Variants in TRIM36 observed in about 807,000 individuals in gnomAD.
TRIM36 encodes E3 ubiquitin-protein ligase TRIM36.
Under a neutral mutation model 72.4 loss-of-function variants are expected in TRIM36, and 42 were observed. The ratio of observed to expected loss-of-function variants is 0.58; its 90% CI spans 0.45 to 0.75. The LOEUF (loss-of-function observed/expected upper bound fraction) is 0.75. Ranked by LOEUF, TRIM36 falls within the 30% of genes least tolerant of loss-of-function variation. The probability of loss-of-function intolerance (pLI) is 0.00; values close to 1 mark genes in which losing one functional copy is unlikely to be tolerated. For synonymous variants in TRIM36, 315 were observed against 282.8 expected, an observed-to-expected ratio of 1.11 and a Z score of -1.14; for missense variants, 913 against 857.1, an observed-to-expected ratio of 1.07 and a Z score of -0.81.
intron 3 of TRIM36, 85 bp from the exon 4 acceptor site, chr5:115,144,829 T>C (rs1019278416): frequency 8.5e-6 from 12 of 1,420,088 alleles, no homozygotes; most frequent in African/African-American, 4.4e-5. Context: ...ATTTGCCTTA[T>C]AAAATCACTA....
intron 6 of TRIM36, 63 bp from the exon 7 acceptor site, chr5:115,137,187 C>A: frequency 6.6e-7 from 1 of 1,505,618 alleles, no homozygotes. Context: ...TAAATATCTG[C>A]AACATGATTA....
rs764959842 is a variant in TRIM36, at chr5:115,130,567, G to C, written c.1796+25C>G. ...AGGCTTACTTTTAAAAAATTATCAAGTTCTAGATCAATACAAAAACCTACC... is the reference window on the plus strand; with the variant it reads ...AGGCTTACTTTTAAAAAATTATCAACTTCTAGATCAATACAAAAACCTACC... On this transcript the variant is annotated intron_variant, in intron 9 of 9. Transcript: ENST00000513154. 3 of 1,599,214 alleles carry C rather than the reference G, an allele frequency of 1.9e-6. No individual in the cohort carries two copies. The South Asian group carries it at 3.4e-5, about 18-fold the overall frequency.
chr5:115,127,764 T>C (rs953531971), intron 9 of TRIM36, among the ~76,000 whole-genome samples: 13 of 152,232 alleles, frequency 8.5e-5, no homozygotes, highest in African/African-American at 2.7e-4. Context: ...GTATTTATTA[T>C]GCAATGCTTT....
intron 2 of TRIM36, among the ~76,000 whole-genome samples, chr5:115,155,703 A>G (rs1754143965): frequency 6.6e-6 from 1 of 152,226 alleles, no homozygotes; most frequent in African/African-American, 2.4e-5. Context: ...CCCACAGCCA[A>G]CATAATAGTG....
At position 115,125,728 on chromosome 5, in the gene TRIM36, T is replaced by A. The variant is rs1158959986; in HGVS notation, c.*775A>T. The A allele has an allele frequency of 6.6e-6, 1 of 152,020 alleles. No individual in the cohort carries two copies. The allele number at this position is 152,020 out of a possible 1,614,324, so 9.4% of individuals were successfully genotyped here. On this transcript the variant is annotated 3_prime_UTR_variant, in exon 10 of 10. Transcript: ENST00000513154. ...AATATTTTCACAGAATAAGAAAAAC[T>A]AAAGATAAATTTCTCTGAAAAAAAG...
At chr5:115,128,898 A>G (rs1175734526) in intron 9 of TRIM36, among the ~76,000 whole-genome samples, 1 of 152,098 alleles carries the variant, frequency 6.6e-6, no homozygotes, top group Non-Finnish European at 1.5e-5. Context: ...AGTGTGCAGC[A>G]ATGTCCTAGG....
intron 2 of TRIM36, among the ~76,000 whole-genome samples, chr5:115,152,776 G>A (rs1225386786): frequency 6.6e-6 from 1 of 152,152 alleles, no homozygotes; most frequent in Non-Finnish European, 1.5e-5. Context: ...CTTCACTTGT[G>A]AAGGAAAGGT....
intron 2 of TRIM36, among the ~76,000 whole-genome samples, chr5:115,161,330 A>T (rs1236603184): frequency 6.6e-6 from 1 of 152,186 alleles, no homozygotes; most frequent in Non-Finnish European, 1.5e-5. Flanking sequence ...TAAGGCATAG[A>T]ACTTCAGTGC....
chr5:115,178,369 CCT>C (rs1251956895), intron 1 of TRIM36, among the ~76,000 whole-genome samples: 1 of 152,210 alleles, frequency 6.6e-6, no homozygotes, highest in Admixed American at 6.5e-5. Context: ...AATAGATGCC[CCT>C]GTTAGGCATT....
In TRIM36 at chr5:115,166,654, A is replaced by C. The variant is rs1754791214; in HGVS notation, c.28-2902T>G. On this transcript the variant is annotated intron_variant, in intron 1 of 9. Coordinates refer to ENST00000513154, the MANE Select transcript of TRIM36 (RefSeq NM_001300759.2). ...ACAAGCTGTAACACAAACTGTGTCA[A>C]ATACACCCTGCTGCTCGCCATGTTG... Among the ~76,000 whole-genome samples, 4 of 152,334 alleles carry C rather than the reference A, an allele frequency of 2.6e-5. No homozygotes were observed. In the South Asian group the frequency reaches 8.3e-4, roughly 32 times the overall value.
At chr5:115,179,184 C>G (rs1030641838) in intron 1 of TRIM36, among the ~76,000 whole-genome samples, 4 of 151,996 alleles carry the variant, frequency 2.6e-5, no homozygotes, top group Non-Finnish European at 5.9e-5. Flanking sequence ...CGCCTGCAAA[C>G]CACTTAGGAG....
intron 2 of TRIM36, among the ~76,000 whole-genome samples, chr5:115,157,214 G>A (rs1241338345): frequency 6.6e-6 from 1 of 151,864 alleles, no homozygotes; most frequent in Non-Finnish European, 1.5e-5. Context: ...CTCTGCTGGT[G>A]GGAATGTAAA....
At chr5:115,177,969 T>C in intron 1 of TRIM36, 2 of 1,269,870 alleles carry the variant, frequency 1.6e-6, no homozygotes, top group Non-Finnish European at 2.2e-6. Flanking sequence ...GAGCATACTG[T>C]GATGAACCCA....
intron 7 of TRIM36, 151 bp downstream of exon 7, chr5:115,136,849 C>A: frequency 1.5e-6 from 1 of 664,600 alleles, no homozygotes; most frequent in Admixed American, 3.9e-5. Flanking sequence ...GTTTTAAAAA[C>A]ATAAATAGGA....
At chr5:115,164,058 G>C (rs1022247445) in intron 1 of TRIM36, among the ~76,000 whole-genome samples, 1 of 152,140 alleles carries the variant, frequency 6.6e-6, no homozygotes, top group African/African-American at 2.4e-5. Flanking sequence ...TCCATCACCA[G>C]TGCACTGATT....
intron 5 of TRIM36, 148 bp from the exon 6 acceptor site, chr5:115,137,764 GAT>G: frequency 2.2e-6 from 2 of 891,540 alleles, no homozygotes; most frequent in Non-Finnish European, 3.2e-6. Context: ...AACCAACCTA[GAT>G]ATTATAAAGA....
chr5:115,134,540 C>G (rs1238927771), intron 7 of TRIM36, among the ~76,000 whole-genome samples: 1 of 114,048 alleles, frequency 8.8e-6, no homozygotes, highest in Non-Finnish European at 2.2e-5. Context: ...ATCAAACTCT[C>G]AATGAATTTT....
intron 4 of TRIM36, among the ~76,000 whole-genome samples, chr5:115,142,262 G>A (rs369637180): frequency 4.6e-5 from 7 of 152,006 alleles, no homozygotes; most frequent in East Asian, 1.9e-4. Context: ...CTATTCCACA[G>A]GCTGAGAGGT....
chr5:115,137,012 A>G lies in TRIM36; in HGVS notation c.1198T>C (p.Phe400Leu). Residue 400 changes from phenylalanine to leucine, a missense_variant, in exon 7 of 10, where the codon TTT (phenylalanine) becomes CTT (leucine). Coordinates refer to ENST00000513154, the MANE Select transcript of TRIM36 (RefSeq NM_001300759.2). ...KQTELLGELS[F>L]FSSGIDVPEI... ...CATTAAGACTTACCACTAGAGAAAA[A>G]GGATAATTCTCCAAGAAGTTCTGTT... is the stretch of plus-strand genomic sequence containing the variant. The G allele has an allele frequency of 6.3e-7, 1 of 1,595,616 alleles. No individual in the cohort carries two copies. The highest frequency in any genetic ancestry group is 8.5e-7 in the Non-Finnish European group (1 of 1,173,794).
Sources: allele counts gnomAD v4.1 joint callset (sites outside exome capture counted in the v4.1 genomes callset), GRCh38; gene constraint gnomAD v4.1.1; transcripts MANE v1.5; gene names NCBI Gene and HGNC (gene_info 2026-07-23, HGNC 2026-07-21).